The following LRP1B variants were observed in gnomAD, a reference collection of about 807,000 sequenced individuals.
LRP1B encodes LDL receptor related protein 1B, also known as low-density lipoprotein receptor-related protein 1B.
In LRP1B, 217 loss-of-function variants were observed where a neutral mutation model predicts 556.6. The observed-to-expected ratio is 0.39, with a 90% CI of 0.35 to 0.44. The LOEUF (loss-of-function observed/expected upper bound fraction) is 0.44. Ranked by LOEUF, LRP1B falls within the 20% of genes least tolerant of loss-of-function variation. The pLI is 1.00. For synonymous variants in LRP1B, 2,047 were observed against 1,865.8 expected (o/e 1.10, Z -2.50); for missense variants, 5,053 against 5,620.8 (o/e 0.90, Z 3.23).
At chr2:142,101,001 C>A (rs975094206) in intron 1 of LRP1B, among the ~76,000 whole-genome samples, 7 of 151,746 alleles carry the variant, frequency 4.6e-5, no homozygotes, top group Non-Finnish European at 8.8e-5. Flanking sequence ...TCAAATAAAT[C>A]ATATCGCACA....
intron 51 of LRP1B, among the ~76,000 whole-genome samples, chr2:140,510,493 C>G (rs1281738327): frequency 6.6e-6 from 1 of 152,092 alleles, no homozygotes; most frequent in Non-Finnish European, 1.5e-5. Context: ...ACCCATAGAA[C>G]TATTATCAGT....
intron 59 of LRP1B, among the ~76,000 whole-genome samples, chr2:140,483,597 G>GACACACACACACACACAC (rs1226188096): frequency 6.8e-5 from 8 of 118,496 alleles, no homozygotes; most frequent in African/African-American, 2.7e-4. Context: ...CATATATATA[G>GACACACACACACACACAC]ACACACACAC....
chr2:141,226,913 A>G (rs948268824), intron 6 of LRP1B, among the ~76,000 whole-genome samples: 1 of 152,180 alleles, frequency 6.6e-6, no homozygotes. Flanking sequence ...TAAAGTGACT[A>G]TGTAATTGCA....
At chr2:141,517,004 TAAAA>T (rs71391654) in intron 2 of LRP1B, among the ~76,000 whole-genome samples, 4 of 11,736 alleles carry the variant, frequency 3.4e-4, no homozygotes, top group Non-Finnish European at 7.5e-4. Context: ...GCCCGTCTCT[TAAAA>T]AAAAAAAAAA....
chr2:140,506,577 C>T (rs1234256249), intron 53 of LRP1B, among the ~76,000 whole-genome samples: 1 of 152,144 alleles, frequency 6.6e-6, no homozygotes, highest in Non-Finnish European at 1.5e-5. Context: ...TCCAATATTA[C>T]TGATGCAAAT....
chr2:141,951,821 G>A (rs1383423994), intron 1 of LRP1B, among the ~76,000 whole-genome samples: 1 of 152,036 alleles, frequency 6.6e-6, no homozygotes, highest in Non-Finnish European at 1.5e-5. Context: ...AACAACTGAT[G>A]TAAAAGTTCA....
chr2:141,765,605 T>G (rs960678005), intron 2 of LRP1B, among the ~76,000 whole-genome samples: 6 of 152,168 alleles, frequency 3.9e-5, no homozygotes, highest in African/African-American at 7.2e-5. Context: ...CTGAAACTAA[T>G]TAAAAGTGAA....
Position 141,049,169 on chromosome 2 carries a change from T to C in LRP1B, c.1606A>G (p.Arg536Gly). 6.2e-7 allele frequency: 1 copy of C among 1,613,552 alleles called. No individual in the cohort carries two copies. Residue 536 changes from arginine to glycine, a missense_variant, in exon 11 of 91, where the codon AGA becomes GGA. Physicochemically the swap from Arg to Gly is moderately radical, Grantham distance 125 (BLOSUM62 -2). Transcript: ENST00000389484. ...FYGKGRPGIV[R>G]GMDLNTKIAD... ...ATCTTGGTATTCAAGTCCATTCCTC[T>C]AACAATTCCTGGGCGTCCTTTCCCA...
intron 17 of LRP1B, among the ~76,000 whole-genome samples, chr2:140,984,316 C>A (rs577980274): frequency 2.6e-5 from 4 of 151,684 alleles, no homozygotes; most frequent in Admixed American, 2.6e-4. Flanking sequence ...TTTCTCTTTT[C>A]TTTTTCTTTT....
intron 1 of LRP1B, among the ~76,000 whole-genome samples, chr2:141,872,517 A>G (rs1698621319): frequency 6.6e-6 from 1 of 151,926 alleles, no homozygotes; most frequent in Non-Finnish European, 1.5e-5. Context: ...TCCTTAAAGA[A>G]AACAAAAGAT....
At chr2:140,592,946 AC>A (rs1682287463) in intron 43 of LRP1B, among the ~76,000 whole-genome samples, 1 of 72,996 alleles carries the variant, frequency 1.4e-5, no homozygotes, top group Admixed American at 1.4e-4. Context: ...ACACACACAC[AC>A]ACACACACAC....
intron 1 of LRP1B, among the ~76,000 whole-genome samples, chr2:141,941,886 C>T (rs1420967037): frequency 6.6e-6 from 1 of 152,078 alleles, no homozygotes; most frequent in Non-Finnish European, 1.5e-5. Context: ...ATGATGAGTA[C>T]CGTATAAGAT....
chr2:140,315,955 C>T (rs192108724), intron 82 of LRP1B, among the ~76,000 whole-genome samples: 24 of 152,198 alleles, frequency 1.6e-4, no homozygotes, highest in African/African-American at 5.8e-4. Context: ...AACATTTATC[C>T]TAAATGATTC....
At chr2:140,424,747 C>G (rs537769276) in intron 66 of LRP1B, among the ~76,000 whole-genome samples, 2 of 152,230 alleles carry the variant, frequency 1.3e-5, no homozygotes, top group South Asian at 4.1e-4. Context: ...TCAAACAGTG[C>G]GTGAACATGC....
At chr2:141,886,902 T>G (rs962466644) in intron 1 of LRP1B, among the ~76,000 whole-genome samples, 4 of 152,046 alleles carry the variant, frequency 2.6e-5, no homozygotes, top group Admixed American at 6.6e-5. Context: ...GCTGATTCAC[T>G]TTTTATTATT....
chr2:141,787,044 C>T (rs971859131), intron 2 of LRP1B, among the ~76,000 whole-genome samples: 2 of 151,774 alleles, frequency 1.3e-5, no homozygotes, highest in African/African-American at 4.8e-5. Context: ...ATTAAATTCA[C>T]TAATATTTGG....
chr2:140,822,815 T>G (rs1691372188), intron 31 of LRP1B, among the ~76,000 whole-genome samples: 1 of 152,234 alleles, frequency 6.6e-6, no homozygotes, highest in Non-Finnish European at 1.5e-5. Flanking sequence ...TGGTTAAGAT[T>G]TCATATGGTT....
At chr2:140,952,659 G>A (rs79853434) in intron 18 of LRP1B, among the ~76,000 whole-genome samples, 5,687 of 152,168 alleles carry the variant, frequency 0.037, 161 homozygotes, top group South Asian at 0.099. Flanking sequence ...TAGAAAAAGA[G>A]TTTGAAAAAG....
rs1224736430 is a variant in LRP1B at position 140,514,894 on chromosome 2, ACTT to A, written c.8150-125_8150-123del. On this transcript the variant is annotated intron_variant, in intron 50 of 90. Coordinates refer to ENST00000389484, the MANE Select transcript of LRP1B (RefSeq NM_018557.3). ...AACAATCCTATAATAAAAGAAGCCA[ACTT>A]CTTCTTTTCTATGACAATTCTATAA... The A allele has an allele frequency of 9.8e-6, 9 of 918,432 alleles. No homozygotes were observed. The Admixed American group carries it at 1.6e-4, about 16-fold the overall frequency. The allele number at this position is 918,432 out of a possible 1,614,324, so 56.9% of individuals were successfully genotyped here. A position where few individuals can be genotyped will look rare whatever the true frequency, so the allele number is the denominator to read the frequency against.
Sources: gnomAD v4.1 joint callset for allele counts (sites outside exome capture counted in the v4.1 genomes callset) on GRCh38, gnomAD v4.1.1 for gene constraint, MANE v1.5 for transcripts, NCBI Gene and HGNC (gene_info 2026-07-23, HGNC 2026-07-21) for gene names.